SUGCT: variants seen among roughly 807,000 people sequenced by gnomAD.
SUGCT encodes the protein succinyl-CoA:glutarate CoA-transferase.
SUGCT carries 41 observed loss-of-function variants against 55.0 expected under a neutral mutation model. That is an observed-to-expected ratio of 0.74 (90% confidence interval 0.58 to 0.97). The LOEUF (loss-of-function observed/expected upper bound fraction) is 0.97. Ranked by LOEUF, SUGCT falls within the 50% of genes least tolerant of loss-of-function variation. The pLI is 0.00. For synonymous variants in SUGCT, 187 were observed against 200.4 expected (o/e 0.93, Z 0.56); for missense variants, 568 against 547.8 (o/e 1.04, Z -0.37).
intron 9 of SUGCT, among the ~76,000 whole-genome samples, chr7:40,411,801 A>G (rs1786711415): frequency 6.6e-6 from 1 of 152,242 alleles, no homozygotes; most frequent in African/African-American, 2.4e-5. Flanking sequence ...CAGTAGATAC[A>G]TATTTAAGGT....
intron 8 of SUGCT, among the ~76,000 whole-genome samples, chr7:40,293,144 G>A (rs551437178): frequency 4.6e-5 from 7 of 152,216 alleles, no homozygotes; most frequent in African/African-American, 1.7e-4. Context: ...GAATTTTTCT[G>A]TGTTTATACC....
chr7:40,367,581 C>T (rs1425304775), intron 9 of SUGCT, among the ~76,000 whole-genome samples: 6 of 151,974 alleles, frequency 3.9e-5, no homozygotes, highest in Admixed American at 3.9e-4. Context: ...TATTTTACTT[C>T]CGTAAAAGGA....
chr7:40,997,010 T>C, the SUGCT span, among the ~76,000 whole-genome samples: 3 of 152,180 alleles, frequency 2.0e-5, no homozygotes, highest in Non-Finnish European at 4.4e-5. Flanking sequence ...CACTTTCTGC[T>C]GATGCCTGAT....
chr7:41,033,244 C>T, the SUGCT span, among the ~76,000 whole-genome samples: 1 of 152,194 alleles, frequency 6.6e-6, no homozygotes, highest in East Asian at 1.9e-4. Context: ...TAAGTCAGAT[C>T]AACAACTGCA....
the SUGCT span, among the ~76,000 whole-genome samples, chr7:41,037,740 C>CT: frequency 0.037 from 5,056 of 136,616 alleles, 102 homozygotes; most frequent in Middle Eastern, 0.077. Flanking sequence ...CATGTGTGCA[C>CT]TTTTTTTTTT....
At chr7:40,807,854 A>G (rs556572455) in intron 13 of SUGCT, among the ~76,000 whole-genome samples, 8 of 152,340 alleles carry the variant, frequency 5.3e-5, no homozygotes, top group East Asian at 1.9e-4. Context: ...TGGGAGTCCA[A>G]TGTTTGAGAG....
rs181686941 is a variant in SUGCT, at chr7:40,141,326, A to G, written c.100+6206A>G. Among the ~76,000 whole-genome samples, 18 of 151,916 alleles carry G rather than the reference A, an allele frequency of 1.2e-4. No individual in the cohort carries two copies. In the East Asian group the frequency reaches 2.5e-3, roughly 21 times the overall value. ...CCCATCTGATTTATAAATTTTTGAC[A>G]GATTATGCATGAGAGTGTGCTTCTT... On this transcript the variant is annotated intron_variant, in intron 1 of 13. Transcript: ENST00000335693.
chr7:40,700,737 A>G (rs1211068865), intron 12 of SUGCT, among the ~76,000 whole-genome samples: 1 of 152,206 alleles, frequency 6.6e-6, no homozygotes, highest in Non-Finnish European at 1.5e-5. Context: ...GGCAAGGGAT[A>G]CTTTCTGAGC....
intron 9 of SUGCT, among the ~76,000 whole-genome samples, chr7:40,429,880 G>C (rs978976460): frequency 6.6e-6 from 1 of 152,048 alleles, no homozygotes; most frequent in Non-Finnish European, 1.5e-5. Context: ...TATATAATTG[G>C]ATTTTTAGAA....
At chr7:40,623,849 G>A (rs545003740) in intron 12 of SUGCT, among the ~76,000 whole-genome samples, 6 of 152,312 alleles carry the variant, frequency 3.9e-5, no homozygotes, top group African/African-American at 1.4e-4. Flanking sequence ...CAAGGCTGAA[G>A]AAATAGAGTT....
chr7:40,393,110 A>G (rs1337542078), intron 9 of SUGCT, among the ~76,000 whole-genome samples: 1 of 152,132 alleles, frequency 6.6e-6, no homozygotes, highest in Non-Finnish European at 1.5e-5. Flanking sequence ...AATTTTTATC[A>G]TCTGTGGTAG....
At chr7:40,888,786 G>A in the SUGCT span, among the ~76,000 whole-genome samples, 1 of 152,286 alleles carries the variant, frequency 6.6e-6, no homozygotes, top group South Asian at 2.1e-4. Flanking sequence ...GTGGAAGGGA[G>A]GTGTCAAGTA....
intron 12 of SUGCT, among the ~76,000 whole-genome samples, chr7:40,521,171 T>A (rs1793507330): frequency 6.6e-6 from 1 of 151,928 alleles, no homozygotes. Context: ...TGGTGGGAGG[T>A]GATTGGCTCA....
At chr7:40,572,138 G>A (rs1796485123) in intron 12 of SUGCT, among the ~76,000 whole-genome samples, 1 of 152,080 alleles carries the variant, frequency 6.6e-6, no homozygotes, top group African/African-American at 2.4e-5. Context: ...CGTTCAGGAT[G>A]TGGTCAGTGT....
chr7:40,788,696 A>G (rs1306193801), intron 13 of SUGCT, among the ~76,000 whole-genome samples: 1 of 152,188 alleles, frequency 6.6e-6, no homozygotes, highest in African/African-American at 2.4e-5. Context: ...TGCTTTCCAC[A>G]TGACCCTGTC....
intron 6 of SUGCT, among the ~76,000 whole-genome samples, chr7:40,227,241 A>G (rs943078191): frequency 2.4e-4 from 36 of 151,294 alleles, no homozygotes; most frequent in African/African-American, 8.0e-4. Context: ...TAGGGATGGG[A>G]TTTCACCATG....
chr7:40,531,120 G>A (rs997678425), intron 12 of SUGCT, among the ~76,000 whole-genome samples: 9 of 152,172 alleles, frequency 5.9e-5, no homozygotes, highest in African/African-American at 2.2e-4. Flanking sequence ...GGAAGCCAAG[G>A]GGATGAATGA....
chr7:40,963,875 G>C, the SUGCT span, among the ~76,000 whole-genome samples: 1 of 152,298 alleles, frequency 6.6e-6, no homozygotes, highest in East Asian at 1.9e-4. Flanking sequence ...GATGTCAGAT[G>C]CAGGTTTAGA....
chr7:40,745,099 A>G (rs1011602312), intron 12 of SUGCT, among the ~76,000 whole-genome samples: 2 of 152,218 alleles, frequency 1.3e-5, no homozygotes, highest in Non-Finnish European at 2.9e-5. Flanking sequence ...TATAAGTGCT[A>G]TCGTGTTTGT....
Sources: gnomAD v4.1 joint callset for allele counts (sites outside exome capture counted in the v4.1 genomes callset) on GRCh38, gnomAD v4.1.1 for gene constraint, MANE v1.5 for transcripts, NCBI Gene and HGNC (gene_info 2026-07-23, HGNC 2026-07-21) for gene names.